AFF2: variants seen among roughly 807,000 people sequenced by gnomAD.
AFF2 encodes the protein ALF transcription elongation factor 2.
AFF2 carries 14 observed loss-of-function variants against 76.9 expected under a neutral mutation model. That is an observed-to-expected ratio of 0.18 (90% CI 0.12 to 0.28). The LOEUF (loss-of-function observed/expected upper bound fraction) is 0.28, where lower values mean the gene tolerates loss of function less well. AFF2 is among the 10% of genes least tolerant of loss of function. The pLI, the probability that AFF2 is intolerant of heterozygous loss-of-function variation, is 1.00. For synonymous variants in AFF2, 398 were observed against 366.7 expected (o/e 1.09, Z -0.98); for missense variants, 868 against 1,001.1 (o/e 0.87, Z 1.79).
At chrX:148,597,071 T>A (rs1557247423) in intron 1 of AFF2, among the ~76,000 whole-genome samples, 1 of 112,070 alleles carries the variant, frequency 8.9e-6, no homozygotes, top group Non-Finnish European at 1.9e-5. Flanking sequence ...GCTTACCCTA[T>A]TTTCTATGGT....
chrX:148,932,140 A>G (rs782106766), intron 9 of AFF2, among the ~76,000 whole-genome samples: 1 of 112,053 alleles, frequency 8.9e-6, no homozygotes, highest in African/African-American at 3.2e-5. Flanking sequence ...TCAGCTCTAA[A>G]AAGTTTGATG....
intron 3 of AFF2, among the ~76,000 whole-genome samples, chrX:148,794,002 A>T (rs1454380289): frequency 8.9e-6 from 1 of 112,062 alleles, no homozygotes; most frequent in East Asian, 2.8e-4. Context: ...TTCATGTATT[A>T]CCTGTCCTTC....
chrX:148,842,443 A>G (rs2070612111), intron 5 of AFF2, among the ~76,000 whole-genome samples: 1 of 112,851 alleles, frequency 8.9e-6, no homozygotes, highest in African/African-American at 3.2e-5. Context: ...CTTCTTATAT[A>G]TAAAATGAGG....
chrX:148,628,266 T>C (rs1557252384), intron 1 of AFF2, among the ~76,000 whole-genome samples: 1 of 111,029 alleles, frequency 9.0e-6, no homozygotes, highest in African/African-American at 3.3e-5. Context: ...TTCTACTATA[T>C]ATTTTCTATT....
intron 8 of AFF2, among the ~76,000 whole-genome samples, chrX:148,895,613 G>A (rs1603336575): frequency 1.8e-5 from 2 of 108,878 alleles, no homozygotes; most frequent in South Asian, 8.3e-4. Flanking sequence ...GAGGGAGGGG[G>A]AGGGGAGAGA....
At chrX:148,685,335 CA>C (rs1433414614) in intron 3 of AFF2, among the ~76,000 whole-genome samples, 1 of 112,004 alleles carries the variant, frequency 8.9e-6, no homozygotes, top group African/African-American at 3.2e-5. Context: ...ATTATTTACA[CA>C]AAACCAGAAA....
chrX:148,903,656 T>C (rs1002719987), intron 8 of AFF2, among the ~76,000 whole-genome samples: 1 of 111,833 alleles, frequency 8.9e-6, no homozygotes, highest in Non-Finnish European at 1.9e-5. Context: ...AGGAGGAAAT[T>C]GATCTGAGTA....
At chrX:148,618,180 C>A (rs1428376044) in intron 1 of AFF2, among the ~76,000 whole-genome samples, 1 of 111,256 alleles carries the variant, frequency 9.0e-6, no homozygotes, top group Non-Finnish European at 1.9e-5. Flanking sequence ...TAAAAAAAAT[C>A]TTATTTTCTT....
intron 1 of AFF2, among the ~76,000 whole-genome samples, chrX:148,540,219 C>T (rs782083711): frequency 4.5e-5 from 5 of 110,978 alleles, no homozygotes; most frequent in Non-Finnish European, 7.5e-5. Context: ...AAAACCTTAC[C>T]AGGTCCAGCT....
chrX:148,517,833 C>T (rs782781355), intron 1 of AFF2, among the ~76,000 whole-genome samples: 5 of 102,632 alleles, frequency 4.9e-5, no homozygotes, highest in East Asian at 6.6e-4. Flanking sequence ...CTGGCTAACA[C>T]GGTGAAACCC....
intron 9 of AFF2, among the ~76,000 whole-genome samples, chrX:148,910,677 T>C (rs1292465918): frequency 8.9e-6 from 1 of 112,019 alleles, no homozygotes; most frequent in Non-Finnish European, 1.9e-5. Flanking sequence ...GGATGCCTGA[T>C]GGGGTGCAGG....
At chrX:148,664,111 C>G (rs1290866863) in intron 3 of AFF2, among the ~76,000 whole-genome samples, 1 of 111,191 alleles carries the variant, frequency 9.0e-6, no homozygotes, top group Non-Finnish European at 1.9e-5. Flanking sequence ...CTCCTTCCCT[C>G]TAGTCTCACC....
At chrX:148,556,377 C>T (rs1320171479) in intron 1 of AFF2, among the ~76,000 whole-genome samples, 2 of 111,606 alleles carry the variant, frequency 1.8e-5, no homozygotes, top group East Asian at 5.6e-4. Context: ...TGGTTCCGGG[C>T]GCCACCATAC....
In AFF2 at chrX:148,805,124, A is replaced by G. The variant is rs182013556; in HGVS notation, c.1042-4752A>G. Among the ~76,000 whole-genome samples, 272 of 112,055 alleles carry G rather than the reference A, an allele frequency of 2.4e-3. 3 individuals are homozygous for G. The highest frequency in any genetic ancestry group is 8.4e-3 in the African/African-American group (259 of 30,882). On this transcript the variant is annotated intron_variant, in intron 3 of 20. Transcript: ENST00000370460. ...ATCAGGGGACTTCTGTGTACCATAAATCAATCATGGGGATAAATGGGGAAG... is the reference window on the plus strand; with the variant it reads ...ATCAGGGGACTTCTGTGTACCATAAGTCAATCATGGGGATAAATGGGGAAG...
intron 9 of AFF2, among the ~76,000 whole-genome samples, chrX:148,934,446 A>G (rs1382026962): frequency 8.9e-6 from 1 of 112,394 alleles, no homozygotes; most frequent in East Asian, 2.8e-4. Flanking sequence ...CGATTCTGCC[A>G]CGTTGCTATG....
chrX:148,918,328 C>T (rs2071554489), intron 9 of AFF2, among the ~76,000 whole-genome samples: 1 of 111,922 alleles, frequency 8.9e-6, no homozygotes, highest in Non-Finnish European at 1.9e-5. Context: ...TGGTGAGACT[C>T]GCGGTAGTTT....
intron 1 of AFF2, among the ~76,000 whole-genome samples, chrX:148,615,451 A>T (rs1255908481): frequency 8.9e-6 from 1 of 112,132 alleles, no homozygotes; most frequent in Non-Finnish European, 1.9e-5. Flanking sequence ...ATAATCTCTA[A>T]AAGAAAATTA....
At chrX:148,751,990 A>G (rs1263890608) in intron 3 of AFF2, among the ~76,000 whole-genome samples, 2 of 111,605 alleles carry the variant, frequency 1.8e-5, no homozygotes, top group Non-Finnish European at 3.8e-5. Flanking sequence ...TTCTTGCGGC[A>G]ATCCTCATGT....
At chrX:148,795,695 C>T (rs1429504179) in intron 3 of AFF2, among the ~76,000 whole-genome samples, 2 of 92,211 alleles carry the variant, frequency 2.2e-5, no homozygotes, top group Non-Finnish European at 4.2e-5. Context: ...CCCAGCTACT[C>T]GGGAGGTTGA....
Sources: allele counts gnomAD v4.1 joint callset (sites outside exome capture counted in the v4.1 genomes callset), GRCh38; gene constraint gnomAD v4.1.1; transcripts MANE v1.5; gene names NCBI Gene and HGNC (gene_info 2026-07-23, HGNC 2026-07-21).